The following RFT1 variants were observed in gnomAD, a reference collection of about 807,000 sequenced individuals.
RFT1 encodes man(5)GlcNAc(2)-PP-dolichol translocation protein RFT1.
RFT1 carries 43 observed loss-of-function variants against 62.2 expected under a neutral mutation model. That is an observed-to-expected ratio of 0.69 (90% CI 0.54 to 0.89). The LOEUF is 0.89. Among genes scored for constraint, RFT1 ranks in the 40% least tolerant of loss-of-function variants. The pLI is 0.00. For synonymous variants in RFT1, 262 were observed against 264.6 expected, an observed-to-expected ratio of 0.99 and a Z score of 0.10; for missense variants, 605 against 649.9, an observed-to-expected ratio of 0.93 and a Z score of 0.75.
chr3:53,095,752 C>T (rs975529998), intron 11 of RFT1, among the ~76,000 whole-genome samples: 1 of 150,188 alleles, frequency 6.7e-6, no homozygotes, highest in African/African-American at 2.4e-5. Flanking sequence ...CATGGATGGT[C>T]GAGGATATCA....
At chr3:53,108,237 T>C (rs1388285920) in intron 7 of RFT1, among the ~76,000 whole-genome samples, 4 of 150,390 alleles carry the variant, frequency 2.7e-5, no homozygotes, top group Non-Finnish European at 5.9e-5. Flanking sequence ...GTATTTTTAG[T>C]AGATGGGTTT....
the RFT1 span, among the ~76,000 whole-genome samples, chr3:53,072,787 C>G: frequency 8.5e-5 from 13 of 152,206 alleles, no homozygotes; most frequent in African/African-American, 1.2e-4. Context: ...TCCTGTCAGT[C>G]CCGCTCATCT....
chr3:53,119,786 A>G (rs927056262), intron 6 of RFT1, 98 bp downstream of exon 6: 7 of 1,158,758 alleles, frequency 6.0e-6, no homozygotes, highest in Non-Finnish European at 8.7e-6. Context: ...ATAAAATTCT[A>G]TTTATGATTA....
chr3:53,108,214 C>CT (rs1019738383), intron 7 of RFT1, among the ~76,000 whole-genome samples: 108 of 142,092 alleles, frequency 7.6e-4, no homozygotes, highest in East Asian at 2.7e-3. Context: ...AAGCCCAGCA[C>CT]TTTTTTTTTT....
At position 53,090,887 on chromosome 3, in the gene RFT1, A is replaced by G. The variant is rs1297980677; in HGVS notation, c.*1016T>C. 6.6e-6 allele frequency: 1 copy of G among 152,240 alleles called. No individual in the cohort carries two copies. Among genetic ancestry groups the G allele is most frequent in the African/African-American group, 2.4e-5 (1 of 41,452 alleles). The allele number at this position is 152,240 out of a possible 1,614,324, so 9.4% of individuals were successfully genotyped here. On this transcript the variant is annotated 3_prime_UTR_variant, in exon 13 of 13. Transcript: ENST00000296292. ...CTGTAGCCTGGAGTACCAGGCCCCC[A>G]TGCCTGCCACTCTTGTCCTGGGGCT...
At chr3:53,079,510 G>C in the RFT1 span, among the ~76,000 whole-genome samples, 1 of 152,172 alleles carries the variant, frequency 6.6e-6, no homozygotes, top group African/African-American at 2.4e-5. Flanking sequence ...GAGACGAGTG[G>C]ATCACCTGAG....
At chr3:53,103,395 C>T (rs1385927490) in intron 10 of RFT1, 1 of 375,472 alleles carries the variant, frequency 2.7e-6, no homozygotes, top group Non-Finnish European at 3.7e-6. Context: ...AGATCCTCAG[C>T]GGCCTGGTGT....
downstream of RFT1, among the ~76,000 whole-genome samples, chr3:53,087,910 T>A (rs1191655972): frequency 1.3e-5 from 2 of 152,256 alleles, no homozygotes; most frequent in Non-Finnish European, 2.9e-5. Flanking sequence ...TTAGTGTGAA[T>A]GAGTCACCGA....
intron 11 of RFT1, among the ~76,000 whole-genome samples, chr3:53,096,284 TGAAA>T (rs1701135664): frequency 6.6e-6 from 1 of 151,954 alleles, no homozygotes; most frequent in Non-Finnish European, 1.5e-5. Context: ...ATTTGCGAAA[TGAAA>T]GAAAATTAGA....
At chr3:53,115,329 C>G (rs1217435930) in intron 6 of RFT1, among the ~76,000 whole-genome samples, 1 of 152,084 alleles carries the variant, frequency 6.6e-6, no homozygotes, top group Non-Finnish European at 1.5e-5. Context: ...TCTCATGGAG[C>G]CAGTATGAGG....
the RFT1 span, among the ~76,000 whole-genome samples, chr3:53,079,112 T>A: frequency 6.6e-6 from 1 of 152,168 alleles, no homozygotes; most frequent in Non-Finnish European, 1.5e-5. Flanking sequence ...ATTTCCAAGC[T>A]TCAAAGGCAA....
Position 53,105,424 on chromosome 3 carries a change from C to G in RFT1, c.957+249G>C, listed in dbSNP as rs867325069. On this transcript the variant is annotated intron_variant, in intron 9 of 12. Coordinates refer to ENST00000296292, the MANE Select transcript of RFT1 (RefSeq NM_052859.4). ...GCAAGACTCTATCCCCGCCCCCCCC[C>G]CCAAAAAGAGTAAGGTCACAACGAA... is the stretch of plus-strand genomic sequence containing the variant. Among the ~76,000 whole-genome samples the G allele has an allele frequency of 3.4e-4, 46 of 134,412 alleles. No individual in the cohort carries two copies. The South Asian group carries it at 5.5e-3, about 16-fold the overall frequency. 88.2% of individuals were successfully genotyped at this position (134,412 alleles called of 152,430 possible).
intron 11 of RFT1, among the ~76,000 whole-genome samples, chr3:53,098,597 T>C (rs978846507): frequency 6.6e-6 from 1 of 151,982 alleles, no homozygotes; most frequent in Middle Eastern, 3.4e-3. Context: ...GGTCAGGAGA[T>C]CGAGACCAAC....
At chr3:53,098,618 C>T (rs143048382) in intron 11 of RFT1, among the ~76,000 whole-genome samples, 328 of 151,980 alleles carry the variant, frequency 2.2e-3, no homozygotes, top group African/African-American at 4.3e-3. Flanking sequence ...CTGGCTGACA[C>T]GGTGAAACCC....
chr3:53,105,852 T>G (rs1466039947), intron 8 of RFT1, 49 bp from the exon 9 acceptor site: 1 of 1,497,162 alleles, frequency 6.7e-7, no homozygotes, highest in African/African-American at 1.4e-5. Context: ...TTTTCTATTT[T>G]AATTTTTATA....
In RFT1 at chr3:53,092,056, A is replaced by C; in HGVS notation, c.1473T>G (p.Cys491Trp). The C allele has an allele frequency of 6.2e-7, 1 of 1,614,250 alleles. No homozygotes were observed. Among genetic ancestry groups the C allele is most frequent in the Non-Finnish European group, 8.5e-7 (1 of 1,180,042 alleles). Residue 491 changes from cysteine to tryptophan, a missense_variant, in exon 13 of 13, where the codon TGT (cysteine) becomes TGG (tryptophan). Transcript: ENST00000296292. Reference sequence around the variant, plus strand: ...CCAGTCTGGCTGGCCAGCCCTGCTCACAGCAGAGGAATACCTGGGGAAAGA... The same window carrying C: ...CCAGTCTGGCTGGCCAGCCCTGCTCCCAGCAGAGGAATACCTGGGGAAAGA... Reference protein sequence around the residue: ...VTAVSEVFLCCEQGWPARLAH... With the variant: ...VTAVSEVFLCWEQGWPARLAH...
chr3:53,109,037 T>C (rs1356701135), intron 7 of RFT1, among the ~76,000 whole-genome samples: 1 of 152,168 alleles, frequency 6.6e-6, no homozygotes, highest in East Asian at 1.9e-4. Flanking sequence ...TTTTATACAC[T>C]GACCCCAAGC....
chr3:53,070,740 TAA>T, the RFT1 span, among the ~76,000 whole-genome samples: 38 of 151,218 alleles, frequency 2.5e-4, no homozygotes, highest in Non-Finnish European at 2.7e-4. Flanking sequence ...TAAATAATTT[TAA>T]AAGTTTTTTT....
chr3:53,094,191 C>G (rs1575479929), intron 11 of RFT1, among the ~76,000 whole-genome samples: 1 of 152,034 alleles, frequency 6.6e-6, no homozygotes, highest in Non-Finnish European at 1.5e-5. Flanking sequence ...TGAGACCAGC[C>G]TGGACAACAT....
Sources: allele counts gnomAD v4.1 joint callset (sites outside exome capture counted in the v4.1 genomes callset), GRCh38; gene constraint gnomAD v4.1.1; transcripts MANE v1.5; gene names NCBI Gene and HGNC (gene_info 2026-07-23, HGNC 2026-07-21).